TGFBR2: variants seen among roughly 807,000 people sequenced by gnomAD.
TGFBR2 encodes the protein TGF-beta receptor type-2.
In TGFBR2, 18 loss-of-function variants were observed where a neutral mutation model predicts 49.0. That is an observed-to-expected ratio of 0.37 (90% CI 0.25 to 0.54). The LOEUF (loss-of-function observed/expected upper bound fraction) is 0.54. TGFBR2 is among the 20% of genes least tolerant of loss of function. The pLI is 0.85. For missense variants in TGFBR2, 525 were observed against 722.6 expected, an observed-to-expected ratio of 0.73 and a Z score of 3.13; for synonymous variants, 282 against 275.9, an observed-to-expected ratio of 1.02 and a Z score of -0.22.
At chr3:30,615,354 G>A (rs888535498) in intron 1 of TGFBR2, among the ~76,000 whole-genome samples, 9 of 152,116 alleles carry the variant, frequency 5.9e-5, no homozygotes, top group African/African-American at 1.4e-4. Context: ...CAAATACTAC[G>A]AAATCTTGCA....
chr3:30,662,520 A>G (rs145194079), intron 3 of TGFBR2, among the ~76,000 whole-genome samples: 68 of 152,350 alleles, frequency 4.5e-4, no homozygotes, highest in African/African-American at 1.5e-3. Flanking sequence ...TCATCATTTG[A>G]GGAAAAAATA....
chr3:30,616,488 T>C (rs1371939907), intron 1 of TGFBR2, among the ~76,000 whole-genome samples: 1 of 152,154 alleles, frequency 6.6e-6, no homozygotes, highest in Admixed American at 6.5e-5. Flanking sequence ...GACTAAGGTA[T>C]GTTGTACCAG....
chr3:30,621,714 AT>A (rs1442654437), intron 1 of TGFBR2, among the ~76,000 whole-genome samples: 1 of 152,226 alleles, frequency 6.6e-6, no homozygotes, highest in East Asian at 1.9e-4. Flanking sequence ...CAAGATTTTA[AT>A]GATGATGTTG....
At chr3:30,680,939 T>C (rs540001134) in intron 5 of TGFBR2, among the ~76,000 whole-genome samples, 1 of 151,926 alleles carries the variant, frequency 6.6e-6, no homozygotes, top group African/African-American at 2.4e-5. Flanking sequence ...GTGAAGGCGG[T>C]CCTGTTCAGG....
chr3:30,608,928 A>C (rs1472639478), intron 1 of TGFBR2, among the ~76,000 whole-genome samples: 1 of 152,202 alleles, frequency 6.6e-6, no homozygotes, highest in African/African-American at 2.4e-5. Context: ...TTTGTTCCAG[A>C]TTATAAAAGA....
intron 1 of TGFBR2, among the ~76,000 whole-genome samples, chr3:30,636,411 C>A (rs1310896432): frequency 1.3e-5 from 2 of 152,094 alleles, no homozygotes; most frequent in Non-Finnish European, 2.9e-5. Context: ...ACATGGTGGT[C>A]TCCCTATTAG....
intron 5 of TGFBR2, among the ~76,000 whole-genome samples, chr3:30,680,179 A>G: frequency 7.1e-6 from 1 of 140,540 alleles, no homozygotes; most frequent in East Asian, 2.1e-4. Flanking sequence ...TATGGATACG[A>G]TAGTCAGAGC....
rs1699448285 is a variant in TGFBR2, at chr3:30,676,818, ATTATTATCTAGTTT to A, written c.1396+2573_1396+2586del. ...CACTTCCTATCTAGCTGACATAGTT[ATTATTATCTAGTTT>A]CTTGACTGAGATTTCTTCCCCCAAA... On this transcript the variant is annotated intron_variant, in intron 5 of 6. Transcript: ENST00000295754. The surrounding 1 kb of genome is among the most constrained non-coding windows in gnomAD (Gnocchi z 4.3). 1.3e-5 allele frequency among the ~76,000 whole-genome samples: 2 copies of A among 152,166 alleles called. No individual in the cohort carries two copies. The highest frequency in any genetic ancestry group is 4.8e-5 in the African/African-American group (2 of 41,420).
At chr3:30,651,259 G>C (rs562727635) in intron 3 of TGFBR2, among the ~76,000 whole-genome samples, 1 of 152,050 alleles carries the variant, frequency 6.6e-6, no homozygotes, top group Non-Finnish European at 1.5e-5. Flanking sequence ...GTACATTTTC[G>C]TCCTCCCCTC....
chr3:30,660,245 G>A (rs928288970), intron 3 of TGFBR2, among the ~76,000 whole-genome samples: 2 of 152,092 alleles, frequency 1.3e-5, no homozygotes, highest in East Asian at 3.9e-4. Context: ...TTATTCCCAT[G>A]TCTTTCATTT....
At chr3:30,640,617 G>T (rs572359212) in intron 1 of TGFBR2, among the ~76,000 whole-genome samples, 3 of 152,024 alleles carry the variant, frequency 2.0e-5, no homozygotes, top group East Asian at 3.9e-4. Flanking sequence ...CAAGAAAAAA[G>T]TCTGTACATA....
rs1327948156 is a variant in TGFBR2 at position 30,637,792 on chromosome 3, A to T, written c.95-6955A>T. ...CTCTTGATGAGTGGTTAAAAAAAAA[A>T]CCTGTTTGTCCTTACAAACAACACT... On this transcript the variant is annotated intron_variant, in intron 1 of 6. Transcript: ENST00000295754. 2.0e-5 allele frequency among the ~76,000 whole-genome samples: 3 copies of T among 152,122 alleles called. No homozygotes were observed. The East Asian group carries it at 5.8e-4, about 29-fold the overall frequency.
chr3:30,684,849 A>T (rs1273324878), intron 5 of TGFBR2, among the ~76,000 whole-genome samples: 1 of 152,206 alleles, frequency 6.6e-6, no homozygotes, highest in Non-Finnish European at 1.5e-5. Flanking sequence ...TTTTTCTTTA[A>T]GTAAAAATAT....
rs11466492 is a variant in TGFBR2 at position 30,633,818 on chromosome 3, C to T, written c.95-10929C>T. ...AGAAAAGAGTTCAGGCCAAACAGAA[C>T]ACATCTGTGCTCTGTGTCCAGCTCT... On this transcript the variant is annotated intron_variant, in intron 1 of 6. Coordinates refer to ENST00000295754, the MANE Select transcript of TGFBR2 (RefSeq NM_003242.6). 4.9e-3 allele frequency among the ~76,000 whole-genome samples: 740 copies of T among 152,262 alleles called. 8 individuals carry two copies. The highest frequency in any genetic ancestry group is 0.017 in the African/African-American group (702 of 41,540).
At chr3:30,651,277 A>G (rs1174399436) in intron 3 of TGFBR2, among the ~76,000 whole-genome samples, 1 of 152,164 alleles carries the variant, frequency 6.6e-6, no homozygotes, top group Non-Finnish European at 1.5e-5. Flanking sequence ...CTCACTCCCA[A>G]TGCAACAGAT....
intron 2 of TGFBR2, among the ~76,000 whole-genome samples, chr3:30,650,009 G>A (rs1402779536): frequency 6.6e-6 from 1 of 152,108 alleles, no homozygotes; most frequent in Non-Finnish European, 1.5e-5. Context: ...CCCGTGGAAC[G>A]CTGTCTGCTC....
At chr3:30,616,023 G>A (rs1348273053) in intron 1 of TGFBR2, among the ~76,000 whole-genome samples, 1 of 152,142 alleles carries the variant, frequency 6.6e-6, no homozygotes, top group Non-Finnish European at 1.5e-5. Flanking sequence ...GATTACAGGT[G>A]TAAGCCACTG....
intron 1 of TGFBR2, among the ~76,000 whole-genome samples, chr3:30,616,125 C>G (rs1351579814): frequency 6.6e-6 from 1 of 152,082 alleles, no homozygotes; most frequent in Admixed American, 6.5e-5. Flanking sequence ...TATTCTTCTT[C>G]TTAAAGAGTG....
chr3:30,686,696 G>T (rs1174714059), intron 5 of TGFBR2, among the ~76,000 whole-genome samples: 2 of 152,174 alleles, frequency 1.3e-5, no homozygotes, highest in African/African-American at 4.8e-5. Flanking sequence ...GAAGCTAAAG[G>T]CCAAAGATCC....
Sources: gnomAD v4.1 joint callset for allele counts (sites outside exome capture counted in the v4.1 genomes callset) on GRCh38, gnomAD v4.1.1 for gene constraint, Gnocchi (gnomAD v3.1) non-coding constraint, MANE v1.5 for transcripts, NCBI Gene and HGNC (gene_info 2026-07-23, HGNC 2026-07-21) for gene names.